Variants in STXBP3 observed in about 807,000 individuals in gnomAD.
STXBP3 encodes syntaxin-binding protein 3.
STXBP3 carries 41 observed loss-of-function variants against 85.7 expected under a neutral mutation model. The observed-to-expected ratio is 0.48, with a 90% confidence interval of 0.37 to 0.62. The LOEUF (loss-of-function observed/expected upper bound fraction) is 0.62. STXBP3 is among the 20% of genes least tolerant of loss of function. The pLI is 0.00. For synonymous variants in STXBP3, 229 were observed against 231.7 expected, an observed-to-expected ratio of 0.99 and a Z score of 0.10; for missense variants, 563 against 703.1, an observed-to-expected ratio of 0.80 and a Z score of 2.25.
At chr1:108,769,354 A>C (rs1287113892) in intron 6 of STXBP3, among the ~76,000 whole-genome samples, 2 of 152,158 alleles carry the variant, frequency 1.3e-5, no homozygotes, top group Non-Finnish European at 2.9e-5. Flanking sequence ...TTTATTGAAA[A>C]AAATCTGCAT....
intron 18 of STXBP3, 140 bp downstream of exon 18, chr1:108,807,689 G>C (rs1230787199): frequency 2.5e-5 from 20 of 812,554 alleles, no homozygotes; most frequent in Non-Finnish European, 3.5e-5. Context: ...CGATTCTTCT[G>C]CCTCAGCCTC....
chr1:108,779,495 A>G (rs1359160088), intron 9 of STXBP3, 85 bp downstream of exon 9: 1 of 1,367,980 alleles, frequency 7.3e-7, no homozygotes, highest in Non-Finnish European at 9.7e-7. Flanking sequence ...GGCACCAGAA[A>G]TCTGAAAGCC....
Position 108,778,210 on chromosome 1 carries a change from G to A in STXBP3, c.685-1076G>A, listed in dbSNP as rs184943583. Among the ~76,000 whole-genome samples, 429 of 152,182 alleles carry A rather than the reference G, an allele frequency of 2.8e-3. 1 individual carries two copies. The highest frequency in any genetic ancestry group is 0.01 in the Middle Eastern group (3 of 294). On this transcript the variant is annotated intron_variant, in intron 8 of 18. Transcript: ENST00000370008. ...AGCCTATAAAATTTACTTGTTATAT[G>A]TAAATAAATAGAAAATGTTTGTATA...
intron 3 of STXBP3, among the ~76,000 whole-genome samples, chr1:108,755,377 G>A (rs954470752): frequency 6.6e-6 from 1 of 152,110 alleles, no homozygotes; most frequent in Admixed American, 6.6e-5. Context: ...AGCCAGGGAA[G>A]TCAAGGCTGC....
At chr1:108,795,175 C>T (rs1663063791) in intron 13 of STXBP3, among the ~76,000 whole-genome samples, 2 of 152,014 alleles carry the variant, frequency 1.3e-5, no homozygotes, top group South Asian at 4.2e-4. Flanking sequence ...AGCATGATTT[C>T]AGGGTGGCAT....
chr1:108,807,309 T>G, intron 17 of STXBP3, 92 bp from the exon 18 acceptor site: 1 of 1,325,270 alleles, frequency 7.5e-7, no homozygotes, highest in Non-Finnish European at 1.0e-6. Flanking sequence ...AAGTTTGAGT[T>G]TGGTTGAGTT....
intron 5 of STXBP3, 123 bp downstream of exon 5, chr1:108,758,711 C>T (rs1348185307): frequency 4.7e-6 from 2 of 421,502 alleles, no homozygotes; most frequent in East Asian, 3.7e-5. Flanking sequence ...TTATTTCAGT[C>T]CTGGTGATTT....
At chr1:108,757,456 A>G (rs143709060) in intron 4 of STXBP3, among the ~76,000 whole-genome samples, 2 of 152,174 alleles carry the variant, frequency 1.3e-5, no homozygotes, top group Admixed American at 1.3e-4. Flanking sequence ...GTTGGCTGCT[A>G]GTGGGTTTTA....
chr1:108,772,962 A>G (rs1662501721), intron 7 of STXBP3, 143 bp downstream of exon 7: 1 of 781,294 alleles, frequency 1.3e-6, no homozygotes, highest in African/African-American at 1.8e-5. Context: ...TAGGAGATTT[A>G]AAGCTTGTGG....
rs1452346148 is a variant in STXBP3 at position 108,753,103 on chromosome 1, C to T, written c.140C>T (p.Ser47Leu). ...LDEFTTKLLA[S>L]CCKMTDLLEE... Reference sequence around the variant, plus strand: ...GAATTTACCACTAAGCTTTTGGCATCGTGTTGCAAAATGACAGATCTTCTA... The same window carrying T: ...GAATTTACCACTAAGCTTTTGGCATTGTGTTGCAAAATGACAGATCTTCTA... Residue 47 changes from serine (S) to leucine (L), a missense_variant, in exon 3 of 19, where the codon TCG (serine) becomes TTG (leucine). By Grantham distance (145) the Ser-to-Leu change is moderately radical. This residue lies in a region of STXBP3 where 32 missense variants were observed against 70.6 expected (regional missense o/e 0.45). Coordinates refer to ENST00000370008, the MANE Select transcript of STXBP3 (RefSeq NM_007269.4). 4 of 1,582,602 alleles carry T rather than the reference C, an allele frequency of 2.5e-6. No individual in the cohort carries two copies. Among genetic ancestry groups the T allele is most frequent in the South Asian group, 1.2e-5 (1 of 85,556 alleles).
chr1:108,770,020 T>C (rs1255945723), intron 6 of STXBP3, among the ~76,000 whole-genome samples: 1 of 152,154 alleles, frequency 6.6e-6, no homozygotes, highest in African/African-American at 2.4e-5. Context: ...CTGAGCACGG[T>C]GGCTCACATC....
chr1:108,806,812 T>C (rs1194113427), intron 17 of STXBP3, among the ~76,000 whole-genome samples: 2 of 152,130 alleles, frequency 1.3e-5, no homozygotes, highest in Non-Finnish European at 2.9e-5. Context: ...TTTCTTCTTA[T>C]GAAATAATAA....
chr1:108,793,430 T>C (rs1180922457), intron 11 of STXBP3, 152 bp from the exon 12 acceptor site: 1 of 541,612 alleles, frequency 1.8e-6, no homozygotes, highest in East Asian at 3.3e-5. Flanking sequence ...TGAGTGAAAC[T>C]GGAAGCCTCC....
At chr1:108,781,419 T>C (rs1662713050) in intron 9 of STXBP3, 1 of 152,134 alleles carries the variant, frequency 6.6e-6, no homozygotes, top group South Asian at 2.1e-4. Flanking sequence ...GTTCCACAAA[T>C]GGAAGGAGGG....
At chr1:108,795,276 T>C (rs1242801254) in intron 13 of STXBP3, among the ~76,000 whole-genome samples, 2 of 152,166 alleles carry the variant, frequency 1.3e-5, no homozygotes, top group Admixed American at 6.5e-5. Flanking sequence ...CTCAACTGTT[T>C]AGACCATTGC....
Position 108,758,805 on chromosome 1 carries a change from G to A in STXBP3, c.337+217G>A, listed in dbSNP as rs1662071316. 2.0e-5 allele frequency among the ~76,000 whole-genome samples: 3 copies of A among 152,190 alleles called. No homozygotes were observed. The South Asian group carries it at 6.2e-4, about 31-fold the overall frequency. The stretch of plus-strand genomic sequence containing the variant: ...TATCCTAATTCATATTAAGGTGATA[G>A]AAAATTAAAAGAAACTATTCCCAAC... On this transcript the variant is annotated intron_variant, in intron 5 of 18. Coordinates refer to ENST00000370008, the MANE Select transcript of STXBP3 (RefSeq NM_007269.4).
rs1239342318 is a variant in STXBP3, at chr1:108,757,257, C to T, written c.258+491C>T. On this transcript the variant is annotated intron_variant, in intron 4 of 18. Transcript: ENST00000370008. ...GACCTAACTCATACTTGATGCCAAC[C>T]TTTCAGAGCCAAATTATCAGATTTC... Among the ~76,000 whole-genome samples the T allele has an allele frequency of 2.6e-5, 4 of 151,960 alleles. No individual in the cohort carries two copies. The East Asian group carries it at 7.7e-4, about 29-fold the overall frequency.
intron 12 of STXBP3, 41 bp downstream of exon 12, chr1:108,793,688 T>G (rs1663027081): frequency 1.3e-6 from 2 of 1,524,052 alleles, no homozygotes; most frequent in Non-Finnish European, 1.8e-6. Context: ...TAGTTTTAGT[T>G]TATATTCAGT....
At chr1:108,778,879 A>T (rs1039187008) in intron 8 of STXBP3, among the ~76,000 whole-genome samples, 1 of 152,190 alleles carries the variant, frequency 6.6e-6, no homozygotes, top group Non-Finnish European at 1.5e-5. Flanking sequence ...TCAGCCCAAC[A>T]GAACCTACAT....
Sources: gnomAD v4.1 joint callset for allele counts (sites outside exome capture counted in the v4.1 genomes callset) on GRCh38, gnomAD v4.1.1 for gene constraint, gnomAD v4.1.1 regional missense constraint, MANE v1.5 for transcripts, NCBI Gene and HGNC (gene_info 2026-07-23, HGNC 2026-07-21) for gene names.